The following ZSWIM4 variants were observed in gnomAD, a reference collection of about 807,000 sequenced individuals.
ZSWIM4 encodes the protein zinc finger SWIM domain-containing protein 4.
In ZSWIM4, 62 loss-of-function variants were observed where a neutral mutation model predicts 102.5. The observed-to-expected ratio is 0.60, with a 90% CI of 0.49 to 0.75. The LOEUF is 0.75. Ranked by LOEUF, ZSWIM4 falls within the 30% of genes least tolerant of loss-of-function variation. ZSWIM4 has a pLI of 0.00. For synonymous variants in ZSWIM4, 652 were observed against 674.5 expected, an observed-to-expected ratio of 0.97 and a Z score of 0.52; for missense variants, 1,280 against 1,529.6, an observed-to-expected ratio of 0.84 and a Z score of 2.72.
intron 10 of ZSWIM4, among the ~76,000 whole-genome samples, chr19:13,822,163 T>TAC (rs59602194): frequency 0.034 from 4,773 of 142,174 alleles, 109 homozygotes; most frequent in African/African-American, 0.067. Flanking sequence ...CACACACACA[T>TAC]ACACACACAC....
rs920284536 is a variant in ZSWIM4 at position 13,809,997 on chromosome 19, T to C, written c.1012+777T>C. On this transcript the variant is annotated intron_variant, in intron 5 of 13. Transcript: ENST00000590508. The surrounding 1 kb of genome is among the most constrained non-coding windows in gnomAD (Gnocchi z 4.2). ...GTTTGTTTTCTTTTCTTTTCTTTTT[T>C]TTTTTTTGAGAAGGAGTCTCGCTCT... Among the ~76,000 whole-genome samples the C allele has an allele frequency of 1.8e-4, 27 of 151,482 alleles. No individual in the cohort carries two copies. The highest frequency in any genetic ancestry group is 6.1e-4 in the African/African-American group (25 of 41,236).
In ZSWIM4 at chr19:13,825,555, C is replaced by T; in HGVS notation, c.2221C>T (p.Pro741Ser). The T allele has an allele frequency of 6.2e-6, 10 of 1,613,946 alleles. No homozygotes were observed. Among genetic ancestry groups the T allele is most frequent in the Non-Finnish European group, 8.5e-6 (10 of 1,179,882 alleles). ...STMLTAAKGDPKWLHTVLGSI... is the reference protein window; with the variant it reads ...STMLTAAKGDSKWLHTVLGSI... ...CTGTCCCGCCCTTCACCCAGGAGACCCCAAGTGGCTGCACACGGTACTGGG... is the reference window on the plus strand; with the variant it reads ...CTGTCCCGCCCTTCACCCAGGAGACTCCAAGTGGCTGCACACGGTACTGGG... The change falls in exon 12 of 14, where the codon CCC becomes TCC. Residue 741 changes from proline (P) to serine (S), a missense_variant. By Grantham distance (74) the Pro-to-Ser change is moderately conservative. Coordinates refer to ENST00000590508, the MANE Select transcript of ZSWIM4 (RefSeq NM_001367834.3). The surrounding 1 kb of genome is among the most constrained non-coding windows in gnomAD (Gnocchi z 4.6).
Position 13,831,109 on chromosome 19 carries a change from C to G in ZSWIM4, c.*59C>G. 1.3e-6 allele frequency: 2 copies of G among 1,505,766 alleles called. No homozygotes were observed. The highest frequency in any genetic ancestry group is 1.8e-6 in the Non-Finnish European group (2 of 1,134,918). 93.3% of individuals were successfully genotyped at this position (1,505,766 alleles called of 1,614,324 possible). On this transcript the variant is annotated 3_prime_UTR_variant, in exon 14 of 14. Transcript: ENST00000590508. ...CTCGCCCCTGCGTCCCCCACCCTTG[C>G]TCTCCAATTAGGCCCACGTGGCATT...
Position 13,825,446 on chromosome 19 carries a change from CAT to C in ZSWIM4, c.2216-103_2216-102del. The C allele has an allele frequency of 7.3e-7, 1 of 1,377,188 alleles. No homozygotes were observed. The highest frequency in any genetic ancestry group is 1.0e-6 in the Non-Finnish European group (1 of 989,738). 85.3% of individuals were successfully genotyped at this position (1,377,188 alleles called of 1,614,324 possible). A position where few individuals can be genotyped will look rare whatever the true frequency, so the allele number is the denominator to read the frequency against. On this transcript the variant is annotated intron_variant, in intron 11 of 13. Coordinates refer to ENST00000590508, the MANE Select transcript of ZSWIM4 (RefSeq NM_001367834.3). The surrounding 1 kb of genome is among the most constrained non-coding windows in gnomAD (Gnocchi z 4.6). ...CAGTACACATCCCTCCACACTCACA[CAT>C]GTGCCCCTGGGTGGAAGGATCTGTG...
chr19:13,831,010 A>G lies in ZSWIM4; in HGVS notation c.3281A>G (p.Lys1094Arg), dbSNP rs1975754202. 1 of 1,606,910 alleles carries G rather than the reference A, an allele frequency of 6.2e-7. No homozygotes were observed. Among genetic ancestry groups the G allele is most frequent in the Non-Finnish European group, 8.5e-7 (1 of 1,177,246 alleles). Reference sequence around the variant, plus strand: ...AACCTCAAACAGACCTACAAGGGCAAGAAGAAACTCATGCTTTTGGTGCGG... The same window carrying G: ...AACCTCAAACAGACCTACAAGGGCAGGAAGAAACTCATGCTTTTGGTGCGG... ...LENLKQTYKG[K>R]KKLMLLVRER... Residue 1094 changes from lysine (K) to arginine (R), a missense_variant, in exon 14 of 14, where the codon AAG becomes AGG. Transcript: ENST00000590508.
Position 13,825,846 on chromosome 19 carries a change from C to G in ZSWIM4, c.2379+133C>G, listed in dbSNP as rs1427191377. The G allele has an allele frequency of 8.0e-7, 1 of 1,247,274 alleles. No homozygotes were observed. The highest frequency in any genetic ancestry group is 1.1e-6 in the Non-Finnish European group (1 of 919,376). The allele number at this position is 1,247,274 out of a possible 1,614,324, so 77.3% of individuals were successfully genotyped here. A position where few individuals can be genotyped will look rare whatever the true frequency, so the allele number is the denominator to read the frequency against. On this transcript the variant is annotated intron_variant, in intron 12 of 13. Coordinates refer to ENST00000590508, the MANE Select transcript of ZSWIM4 (RefSeq NM_001367834.3). This position sits in a 1 kb window ranked among gnomAD's most constrained non-coding sequence, Gnocchi z 4.6. ...GGCCCGGCATTTGCGTGAGCTATTC[C>G]TCTGTGGCTGGGGACTGAGCGAGAA...
At chr19:13,801,082 G>T (rs914221545) in intron 2 of ZSWIM4, among the ~76,000 whole-genome samples, 1 of 151,702 alleles carries the variant, frequency 6.6e-6, no homozygotes, top group East Asian at 1.9e-4. Context: ...GGTCGAGCCT[G>T]CAGTAAGCTA....
At chr19:13,808,191 A>C (rs982289921) in intron 3 of ZSWIM4, among the ~76,000 whole-genome samples, 1 of 152,038 alleles carries the variant, frequency 6.6e-6, no homozygotes, top group Non-Finnish European at 1.5e-5. Context: ...CCCACTTCCA[A>C]CTCTGGGGAT....
intron 5 of ZSWIM4, among the ~76,000 whole-genome samples, chr19:13,811,706 C>T (rs345629): frequency 0.48 from 72,364 of 151,984 alleles, 21,372 homozygotes; most frequent in African/African-American, 0.85. Flanking sequence ...TAGATACTTA[C>T]TAATTTATTT....
Position 13,808,841 on chromosome 19 carries a change from C to T in ZSWIM4, c.718C>T (p.Pro240Ser). 6.2e-7 allele frequency: 1 copy of T among 1,605,012 alleles called. No individual in the cohort carries two copies. ...CTTTCCCTCCCTCCCGGCAGGTGCC[C>T]CAGACCCCACCGCCGGCGCAGGAAT... is the stretch of plus-strand genomic sequence containing the variant. ...GSEINLVNGA[P>S]DPTAGAGIED... The change falls in exon 4 of 14, where the codon CCA (proline) becomes TCA (serine). Residue 240 changes from proline to serine, a missense_variant. By Grantham distance (74) the Pro-to-Ser change is moderately conservative. Coordinates refer to ENST00000590508, the MANE Select transcript of ZSWIM4 (RefSeq NM_001367834.3).
In ZSWIM4 at chr19:13,828,755, C is replaced by T. The variant is rs372840162; in HGVS notation, c.2461+29C>T. The T allele has an allele frequency of 1.7e-5, 28 of 1,604,706 alleles. No individual in the cohort carries two copies. The African/African-American group carries it at 3.2e-4, about 18-fold the overall frequency. Reference sequence around the variant, plus strand: ...AGAGCCCCTAAGGGGACCTGCCACCCACTTCGCTGTTCTGGTTCTGCAGAG... The same window carrying T: ...AGAGCCCCTAAGGGGACCTGCCACCTACTTCGCTGTTCTGGTTCTGCAGAG... On this transcript the variant is annotated intron_variant, in intron 13 of 13. Transcript: ENST00000590508.
chr19:13,815,995 G>A (rs1478044816), intron 7 of ZSWIM4, among the ~76,000 whole-genome samples: 1 of 144,092 alleles, frequency 6.9e-6, no homozygotes, highest in African/African-American at 2.6e-5. Flanking sequence ...AGAGAGAGAA[G>A]AGGAAAGAAA....
At chr19:13,826,032 T>C (rs1203962164) in intron 12 of ZSWIM4, among the ~76,000 whole-genome samples, 1 of 152,014 alleles carries the variant, frequency 6.6e-6, no homozygotes, top group African/African-American at 2.4e-5. Flanking sequence ...GGGCCACACC[T>C]CTGCAGGTGG....
intron 2 of ZSWIM4, among the ~76,000 whole-genome samples, chr19:13,802,584 G>GAA (rs148052261): frequency 1.4e-4 from 21 of 145,072 alleles, no homozygotes; most frequent in East Asian, 6.2e-4. Context: ...TGTCTCAAAA[G>GAA]AAAAAAAAAA....
chr19:13,828,828 C>T (rs1206649589), intron 13 of ZSWIM4, 102 bp downstream of exon 13: 17 of 1,133,748 alleles, frequency 1.5e-5, no homozygotes, highest in Admixed American at 1.9e-5. Context: ...TGGCGGGGTG[C>T]GGTGGCTCAC....
intron 12 of ZSWIM4, among the ~76,000 whole-genome samples, chr19:13,827,486 G>A (rs111689100): frequency 7.9e-5 from 12 of 151,048 alleles, no homozygotes; most frequent in African/African-American, 2.2e-4. Context: ...CCAGCTGCTC[G>A]GGAGGCTGAG....
intron 1 of ZSWIM4, among the ~76,000 whole-genome samples, 159 bp downstream of exon 1, chr19:13,795,960 C>T (rs954495040): frequency 2.7e-5 from 4 of 149,820 alleles, no homozygotes; most frequent in African/African-American, 7.4e-5. Context: ...TGGAAACACC[C>T]CCTCATCCTC....
intron 10 of ZSWIM4, among the ~76,000 whole-genome samples, chr19:13,822,128 C>T (rs1359576600): frequency 6.6e-6 from 1 of 150,948 alleles, no homozygotes; most frequent in South Asian, 2.1e-4. Flanking sequence ...CTCGCCTTGG[C>T]CCATCTCTTT....
At chr19:13,805,327 T>C (rs937318716) in intron 3 of ZSWIM4, among the ~76,000 whole-genome samples, 179 bp downstream of exon 3, 11 of 152,046 alleles carry the variant, frequency 7.2e-5, no homozygotes, top group African/African-American at 2.4e-4. Flanking sequence ...ATCCCAGATA[T>C]CTGGACACAG....
Sources: gnomAD v4.1 joint callset for allele counts (sites outside exome capture counted in the v4.1 genomes callset) on GRCh38, gnomAD v4.1.1 for gene constraint, Gnocchi (gnomAD v3.1) non-coding constraint, MANE v1.5 for transcripts, NCBI Gene and HGNC (gene_info 2026-07-23, HGNC 2026-07-21) for gene names.